Variants in CR1L observed in about 807,000 individuals in gnomAD.
CR1L encodes the protein complement C3b/C4b receptor 1 like, also known as complement component receptor 1-like protein.
A neutral mutation model predicts 62.3 loss-of-function variants in CR1L; 59 were observed. The observed-to-expected ratio is 0.95, with a 90% confidence interval of 0.77 to 1.18. The LOEUF (loss-of-function observed/expected upper bound fraction) is 1.18, where lower values mean the gene tolerates loss of function less well. Among genes scored for constraint, CR1L ranks in the 50% most tolerant of loss-of-function variants. The pLI is 0.00. For missense variants in CR1L, 700 were observed against 702.8 expected, an observed-to-expected ratio of 1.00 and a Z score of 0.04; for synonymous variants, 279 against 248.7, an observed-to-expected ratio of 1.12 and a Z score of -1.15.
intron 1 of CR1L, among the ~76,000 whole-genome samples, chr1:207,667,615 G>A (rs563627531): frequency 1.1e-4 from 16 of 152,184 alleles, no homozygotes; most frequent in African/African-American, 1.2e-4. Flanking sequence ...AGCCTACCAC[G>A]CACTCCTCCT....
At chr1:207,647,534 C>T (rs773489856) in intron 1 of CR1L, among the ~76,000 whole-genome samples, 18 of 152,216 alleles carry the variant, frequency 1.2e-4, no homozygotes, top group Admixed American at 3.9e-4. Context: ...TGTCTTCCCC[C>T]ATTTGTGGTT....
chr1:207,709,111 A>T, intron 10 of CR1L: 1 of 230,172 alleles, frequency 4.3e-6, no homozygotes, highest in South Asian at 5.7e-5. Flanking sequence ...TTTAATAAAG[A>T]TGTTATACTG....
chr1:207,655,868 T>C (rs1391045911), intron 1 of CR1L, among the ~76,000 whole-genome samples: 1 of 152,226 alleles, frequency 6.6e-6, no homozygotes, highest in Non-Finnish European at 1.5e-5. Flanking sequence ...TGCACATCTC[T>C]TCAACACCTA....
rs866465828 is a variant in CR1L, at chr1:207,710,723, G to A, written c.1414+2460G>A. 6.0e-5 allele frequency: 96 copies of A among 1,609,660 alleles called. No individual in the cohort carries two copies. In the Middle Eastern group the frequency reaches 3.8e-3, roughly 64 times the overall value. ...TGGCTTTGTCATGAAAGGACCCCCCGCACCGTGTGCAATGCCAGGCCCTGA... is the reference window on the plus strand; with the variant it reads ...TGGCTTTGTCATGAAAGGACCCCCCACACCGTGTGCAATGCCAGGCCCTGA... On this transcript the variant is annotated intron_variant, in intron 10 of 11. Transcript: ENST00000508064.
At chr1:207,699,647 CTTT>C (rs1163445449) in intron 8 of CR1L, among the ~76,000 whole-genome samples, 1 of 151,926 alleles carries the variant, frequency 6.6e-6, no homozygotes, top group Admixed American at 6.6e-5. Context: ...CTCCTTCCTT[CTTT>C]TTCATTTTGT....
At chr1:207,657,890 C>T (rs915272058) in intron 1 of CR1L, among the ~76,000 whole-genome samples, 3 of 152,102 alleles carry the variant, frequency 2.0e-5, no homozygotes, top group African/African-American at 7.2e-5. Flanking sequence ...ATATTCTAGA[C>T]AATAAGACAA....
intron 1 of CR1L, among the ~76,000 whole-genome samples, chr1:207,659,896 G>A (rs865940481): frequency 1.3e-5 from 2 of 152,224 alleles, no homozygotes; most frequent in African/African-American, 2.4e-5. Context: ...AGCCTTGCTC[G>A]CTGCTAGTGC....
Position 207,723,680 on chromosome 1 carries a change from C to T in CR1L, c.1705C>T (p.Leu569Phe). The T allele has an allele frequency of 6.3e-7, 1 of 1,577,198 alleles. No homozygotes were observed. The change falls in exon 12 of 12, where the codon CTT becomes TTT. Residue 569 changes from leucine to phenylalanine, a missense_variant. By Grantham distance (22) the Leu-to-Phe change is conservative. Transcript: ENST00000508064. The part of the protein sequence containing the change: ...YEVFAEEFCH[L>F] ...AGTGTTTGCTGAGGAATTCTGTCAT[C>T]TTTAACAGTAAGTACCTACTTATAA...
At chr1:207,645,647 C>T (rs1037045929) in intron 1 of CR1L, among the ~76,000 whole-genome samples, 9 of 152,168 alleles carry the variant, frequency 5.9e-5, no homozygotes, top group South Asian at 2.1e-4. Context: ...TTACTGGGCG[C>T]CCCAGGTGAG....
At chr1:207,702,191 A>T (rs1406819295) in intron 9 of CR1L, among the ~76,000 whole-genome samples, 1 of 152,124 alleles carries the variant, frequency 6.6e-6, no homozygotes, top group Non-Finnish European at 1.5e-5. Flanking sequence ...TTTCATTATT[A>T]TCATGTCTGT....
intron 4 of CR1L, among the ~76,000 whole-genome samples, chr1:207,693,987 G>A (rs1336870471): frequency 6.6e-6 from 1 of 151,818 alleles, no homozygotes; most frequent in South Asian, 2.1e-4. Context: ...TTTGGCAAAG[G>A]TTTTTATATT....
At chr1:207,700,044 G>A (rs112341897) in intron 8 of CR1L, among the ~76,000 whole-genome samples, 5,430 of 151,636 alleles carry the variant, frequency 0.036, 119 homozygotes, top group Middle Eastern at 0.072. Context: ...TTTAAAATGA[G>A]CCTCATATGT....
intron 1 of CR1L, among the ~76,000 whole-genome samples, chr1:207,665,052 C>G (rs1057245298): frequency 3.3e-5 from 5 of 152,066 alleles, no homozygotes; most frequent in Non-Finnish European, 7.4e-5. Flanking sequence ...ACGTAGTGAG[C>G]ATTTTTTTGG....
intron 10 of CR1L, chr1:207,710,310 T>C: frequency 1.0e-6 from 1 of 956,528 alleles, no homozygotes; most frequent in Non-Finnish European, 1.6e-6. Flanking sequence ...GCCACTGCAC[T>C]CCAGCCTGGG....
At chr1:207,722,790 G>T (rs940634405) in intron 11 of CR1L, among the ~76,000 whole-genome samples, 6 of 143,420 alleles carry the variant, frequency 4.2e-5, no homozygotes, top group African/African-American at 1.5e-4. Context: ...TATGCAATGT[G>T]TGTGGACAAT....
intron 4 of CR1L, among the ~76,000 whole-genome samples, chr1:207,687,597 A>T (rs1389490489): frequency 6.6e-6 from 1 of 152,230 alleles, no homozygotes; most frequent in African/African-American, 2.4e-5. Flanking sequence ...GGAATCAAAA[A>T]ATAGGTACTC....
At chr1:207,698,150 C>T (rs987385827) in intron 7 of CR1L, among the ~76,000 whole-genome samples, 8 of 151,778 alleles carry the variant, frequency 5.3e-5, no homozygotes, top group Non-Finnish European at 8.8e-5. Flanking sequence ...ATAGGTAACA[C>T]AGTAAGTTTA....
Position 207,697,579 on chromosome 1 carries a change from A to G in CR1L, c.939A>G (p.Glu313=). The change falls in exon 6 of 12, where the codon GAA becomes GAG. Residue 313 remains glutamate (E), a synonymous_variant. Coordinates refer to ENST00000508064, the MANE Select transcript of CR1L (RefSeq NM_175710.2). The stretch of plus-strand genomic sequence containing the variant: ...AGGACAACTTTTCACCCGGGCAGGA[A>G]GTGTTCTACAGCTGTGAGCCCGGCT... ...RDKDNFSPGQ[E]VFYSCEPGYD... is the part of the protein sequence containing the mutation. The G allele has an allele frequency of 6.2e-7, 1 of 1,613,858 alleles. No individual in the cohort carries two copies.
At chr1:207,650,667 T>C (rs1361604448) in intron 1 of CR1L, among the ~76,000 whole-genome samples, 3 of 152,228 alleles carry the variant, frequency 2.0e-5, no homozygotes, top group Admixed American at 2.0e-4. Context: ...TGTAGTCAAA[T>C]ACCATGAATT....
Sources: gnomAD v4.1 joint callset for allele counts (sites outside exome capture counted in the v4.1 genomes callset) on GRCh38, gnomAD v4.1.1 for gene constraint, MANE v1.5 for transcripts, NCBI Gene and HGNC (gene_info 2026-07-23, HGNC 2026-07-21) for gene names.